WDFY2: variants seen among roughly 807,000 people sequenced by gnomAD.
WDFY2 encodes the protein WD repeat and FYVE domain-containing protein 2.
Under a neutral mutation model 56.4 loss-of-function variants are expected in WDFY2, and 36 were observed. The observed-to-expected ratio is 0.64, with a 90% CI of 0.49 to 0.84. The LOEUF (loss-of-function observed/expected upper bound fraction) is 0.84, where lower values mean the gene tolerates loss of function less well. Ranked by LOEUF, WDFY2 falls within the 40% of genes least tolerant of loss-of-function variation. The pLI is 0.00. For missense variants in WDFY2, 444 were observed against 512.2 expected (o/e 0.87, Z 1.29); for synonymous variants, 176 against 183.7 (o/e 0.96, Z 0.34).
At chr13:51,618,357 C>T (rs985534397) in intron 1 of WDFY2, among the ~76,000 whole-genome samples, 1 of 152,162 alleles carries the variant, frequency 6.6e-6, no homozygotes, top group African/African-American at 2.4e-5. Flanking sequence ...GGAGAATTGA[C>T]AGTTTGGTGC....
At chr13:51,698,100 A>T (rs1298366467) in intron 3 of WDFY2, among the ~76,000 whole-genome samples, 1 of 152,204 alleles carries the variant, frequency 6.6e-6, no homozygotes, top group Non-Finnish European at 1.5e-5. Context: ...AGATCATTTA[A>T]CAAGTATGTG....
chr13:51,614,380 G>A (rs1954568805), intron 1 of WDFY2, among the ~76,000 whole-genome samples: 1 of 152,172 alleles, frequency 6.6e-6, no homozygotes, highest in African/African-American at 2.4e-5. Flanking sequence ...CAGAAAACCT[G>A]ACTCATTCAC....
chr13:51,685,365 C>G (rs1956043267), intron 3 of WDFY2, among the ~76,000 whole-genome samples: 1 of 152,134 alleles, frequency 6.6e-6, no homozygotes, highest in Admixed American at 6.6e-5. Flanking sequence ...GGGGCACTGA[C>G]CCCACCTCCC....
chr13:51,681,306 A>T (rs989587657), intron 3 of WDFY2, among the ~76,000 whole-genome samples: 1 of 152,168 alleles, frequency 6.6e-6, no homozygotes. Context: ...AGGAGAATTG[A>T]TGTTGCTTCT....
intron 8 of WDFY2, among the ~76,000 whole-genome samples, chr13:51,754,632 C>G (rs1362396327): frequency 3.9e-5 from 6 of 152,222 alleles, no homozygotes; most frequent in Non-Finnish European, 7.3e-5. Context: ...ACTTCCCTGA[C>G]TGTGAATTGC....
chr13:51,725,651 T>C (rs899604950), intron 5 of WDFY2, among the ~76,000 whole-genome samples: 1 of 152,122 alleles, frequency 6.6e-6, no homozygotes, highest in Non-Finnish European at 1.5e-5. Context: ...TATGTGTATG[T>C]ATATACATAT....
intron 2 of WDFY2, among the ~76,000 whole-genome samples, chr13:51,663,387 G>A (rs573268397): frequency 2.1e-4 from 32 of 152,262 alleles, no homozygotes; most frequent in African/African-American, 5.3e-4. Flanking sequence ...CTAGATGCCA[G>A]GGATTTGCAG....
intron 3 of WDFY2, among the ~76,000 whole-genome samples, chr13:51,695,397 A>T (rs1951846240): frequency 6.6e-6 from 1 of 152,164 alleles, no homozygotes; most frequent in African/African-American, 2.4e-5. Flanking sequence ...TTTTCCTTGT[A>T]ACAGACAGGA....
intron 1 of WDFY2, among the ~76,000 whole-genome samples, chr13:51,629,963 A>T (rs1282043888): frequency 6.6e-6 from 1 of 152,022 alleles, no homozygotes; most frequent in Non-Finnish European, 1.5e-5. Context: ...AGCAAACATT[A>T]ATATGTTTCC....
chr13:51,702,491 T>G lies in WDFY2; in HGVS notation c.280-1105T>G, dbSNP rs186386463. ...AAGAAAATTCATTTGTAGATAAGCT[T>G]CTTAAAGGGGGCTGGAATGGAAAAA... On this transcript the variant is annotated intron_variant, in intron 3 of 11. Transcript: ENST00000298125. Among the ~76,000 whole-genome samples the G allele has an allele frequency of 7.0e-3, 1,071 of 152,246 alleles. 5 individuals carry two copies. The highest frequency in any genetic ancestry group is 9.1e-3 in the Non-Finnish European group (618 of 68,000).
intron 1 of WDFY2, among the ~76,000 whole-genome samples, chr13:51,646,450 A>G (rs973661550): frequency 6.6e-6 from 1 of 152,184 alleles, no homozygotes; most frequent in Non-Finnish European, 1.5e-5. Context: ...ACGTGCCCCT[A>G]TCACAGCATG....
At chr13:51,658,350 C>A (rs1012771889) in intron 1 of WDFY2, among the ~76,000 whole-genome samples, 1 of 152,264 alleles carries the variant, frequency 6.6e-6, no homozygotes, top group African/African-American at 2.4e-5. Flanking sequence ...GCCCTTCAGC[C>A]CTAAGGGTTT....
At chr13:51,736,200 TTG>T (rs1374858107) in intron 6 of WDFY2, among the ~76,000 whole-genome samples, 1 of 152,172 alleles carries the variant, frequency 6.6e-6, no homozygotes, top group Non-Finnish European at 1.5e-5. Context: ...CTAGGCACTG[TTG>T]TGTGTGTTTA....
intron 3 of WDFY2, among the ~76,000 whole-genome samples, chr13:51,688,415 A>G (rs1429697328): frequency 1.3e-5 from 2 of 152,056 alleles, no homozygotes; most frequent in East Asian, 3.9e-4. Flanking sequence ...TGTCATTTTG[A>G]GGGGGCTCTT....
intron 1 of WDFY2, chr13:51,590,668 G>A (rs1282636049): frequency 6.6e-6 from 1 of 151,716 alleles, no homozygotes; most frequent in Non-Finnish European, 1.5e-5. Context: ...TGGCAGAATA[G>A]AAAGAATTTA....
chr13:51,591,213 G>T (rs912377668), intron 1 of WDFY2: 1 of 152,210 alleles, frequency 6.6e-6, no homozygotes, highest in Non-Finnish European at 1.5e-5. Context: ...TCAAGTGGAG[G>T]AAAGCACGCA....
At chr13:51,754,011 T>C (rs750264108) in intron 8 of WDFY2, among the ~76,000 whole-genome samples, 3 of 148,256 alleles carry the variant, frequency 2.0e-5, no homozygotes, top group Non-Finnish European at 4.4e-5. Flanking sequence ...GAGAATTGCA[T>C]GAACCTAGGA....
chr13:51,594,192 T>TAC (rs1329834933), intron 1 of WDFY2: 1 of 152,256 alleles, frequency 6.6e-6, no homozygotes, highest in Non-Finnish European at 1.5e-5. Context: ...TAACTGGGAC[T>TAC]ACAGGTGTGT....
chr13:51,687,636 ATTTC>A (rs1566123751), intron 3 of WDFY2, among the ~76,000 whole-genome samples: 1 of 151,840 alleles, frequency 6.6e-6, no homozygotes, highest in Non-Finnish European at 1.5e-5. Context: ...AAGGAGTATT[ATTTC>A]TTTATTTTTC....
Sources: gnomAD v4.1 joint callset for allele counts (sites outside exome capture counted in the v4.1 genomes callset) on GRCh38, gnomAD v4.1.1 for gene constraint, MANE v1.5 for transcripts, NCBI Gene and HGNC (gene_info 2026-07-23, HGNC 2026-07-21) for gene names.